The following DNAH8 variants were observed in gnomAD, a reference collection of about 807,000 sequenced individuals.
The protein encoded by DNAH8 is axonemal beta dynein heavy chain 8.
In DNAH8, 382 loss-of-function variants were observed where a neutral mutation model predicts 562.1. The observed-to-expected ratio is 0.68, with a 90% confidence interval of 0.63 to 0.74. The LOEUF (loss-of-function observed/expected upper bound fraction) is 0.74, where lower values mean the gene tolerates loss of function less well. Ranked by LOEUF, DNAH8 falls within the 30% of genes least tolerant of loss-of-function variation. The probability of loss-of-function intolerance (pLI) is 0.00; values close to 1 mark genes in which losing one functional copy is unlikely to be tolerated. For synonymous variants in DNAH8, 1,881 were observed against 1,919.4 expected, an observed-to-expected ratio of 0.98 and a Z score of 0.52; for missense variants, 5,203 against 5,620.4, an observed-to-expected ratio of 0.93 and a Z score of 2.37.
chr6:39,007,645 T>C (rs1765880854), intron 88 of DNAH8, among the ~76,000 whole-genome samples: 1 of 152,178 alleles, frequency 6.6e-6, no homozygotes, highest in Admixed American at 6.6e-5. Context: ...CCCTGCATGG[T>C]CTGGCTCCTG....
Position 38,795,580 on chromosome 6 carries a change from AG to A in DNAH8, c.2901+3907del, listed in dbSNP as rs200570488. Among the ~76,000 whole-genome samples the A allele has an allele frequency of 1.9e-3, 165 of 85,486 alleles. 1 individual carries two copies. In the Middle Eastern group the frequency reaches 0.019, roughly 10 times the overall value. The allele number at this position is 85,486 out of a possible 152,430, so 56.1% of individuals were successfully genotyped here. A position where few individuals can be genotyped will look rare whatever the true frequency, so the allele number is the denominator to read the frequency against. On this transcript the variant is annotated intron_variant, in intron 21 of 92. Transcript: ENST00000327475. ...GGGCGACAGAGCGAGACTGTGTCTC[AG>A]AAAAAAAAAAAAAAGAGTGTAAGTC... is the stretch of plus-strand genomic sequence containing the variant.
At chr6:38,763,907 T>C (rs1766752124) in intron 11 of DNAH8, 1 of 153,400 alleles carries the variant, frequency 6.5e-6, no homozygotes, top group Admixed American at 6.6e-5. Context: ...GCTGCTTGAA[T>C]AGCTAAGGAG....
chr6:38,838,234 G>C (rs1774461805), intron 33 of DNAH8, among the ~76,000 whole-genome samples, 192 bp downstream of exon 33: 1 of 152,036 alleles, frequency 6.6e-6, no homozygotes. Context: ...ACGTTCTAGG[G>C]GAGTAAAAAA....
In DNAH8 at chr6:38,886,882, A is replaced by G. The variant is rs771474451; in HGVS notation, c.8351A>G (p.Gln2784Arg). ...PGDFTTIVDVQLIAAMIHPGG... is the reference protein window; with the variant it reads ...PGDFTTIVDVRLIAAMIHPGG... ...GACTTCACTACTATTGTTGATGTGC[A>G]GCTCATAGCAGCAATGATCCACCCT... Residue 2784 changes from glutamine (Q) to arginine (R), a missense_variant, in exon 57 of 93, where the codon CAG becomes CGG. Gln to Arg is a conservative substitution (Grantham distance 43). Around this residue, in one of 6 missense-constraint regions of DNAH8, gnomAD observed 977 missense variants for 1,061.8 expected, o/e 0.92. Transcript: ENST00000327475. The G allele has an allele frequency of 1.2e-6, 2 of 1,613,458 alleles. No individual in the cohort carries two copies. Among genetic ancestry groups the G allele is most frequent in the Non-Finnish European group, 8.5e-7 (1 of 1,179,348 alleles).
chr6:38,723,932 A>G (rs1762982491), intron 3 of DNAH8, among the ~76,000 whole-genome samples: 1 of 152,064 alleles, frequency 6.6e-6, no homozygotes, highest in East Asian at 1.9e-4. Flanking sequence ...GGTTTAGTTT[A>G]TATAATTATA....
At chr6:38,915,492 C>T (rs367711474) in intron 68 of DNAH8, 115 bp downstream of exon 68, 3 of 910,380 alleles carry the variant, frequency 3.3e-6, no homozygotes, top group Non-Finnish European at 4.5e-6. Context: ...TTGATAATCT[C>T]TGAGTCTGGA....
intron 24 of DNAH8, among the ~76,000 whole-genome samples, chr6:38,809,065 T>C (rs1018519097): frequency 1.3e-5 from 2 of 151,968 alleles, no homozygotes; most frequent in African/African-American, 2.4e-5. Flanking sequence ...GTTCTGCACA[T>C]GTACCCCAGA....
chr6:38,860,199 G>A (rs973343291), intron 42 of DNAH8, among the ~76,000 whole-genome samples: 6 of 152,180 alleles, frequency 3.9e-5, no homozygotes, highest in Admixed American at 1.3e-4. Flanking sequence ...CCTGAATTTC[G>A]GTGGTGGTGC....
At chr6:38,892,995 G>GT (rs201899301) in intron 58 of DNAH8, among the ~76,000 whole-genome samples, 2 of 151,826 alleles carry the variant, frequency 1.3e-5, no homozygotes, top group African/African-American at 2.4e-5. Context: ...CCTGGCCCTG[G>GT]TTTTTTTTAA....
At chr6:38,996,432 G>A (rs60702678) in intron 88 of DNAH8, among the ~76,000 whole-genome samples, 1,950 of 152,180 alleles carry the variant, frequency 0.013, 47 homozygotes, top group African/African-American at 0.042. Flanking sequence ...ACATCCACTG[G>A]CATGTCTTTC....
At chr6:38,852,168 C>A (rs914928229) in intron 39 of DNAH8, among the ~76,000 whole-genome samples, 1 of 152,088 alleles carries the variant, frequency 6.6e-6, no homozygotes, top group African/African-American at 2.4e-5. Flanking sequence ...TTTCCTAGAG[C>A]AATACTTTGG....
intron 22 of DNAH8, among the ~76,000 whole-genome samples, chr6:38,803,733 T>TA (rs34502047): frequency 0.13 from 19,004 of 151,672 alleles, 1,484 homozygotes; most frequent in East Asian, 0.37. Context: ...CTGGAAAACT[T>TA]AATCTGGGTG....
In DNAH8 at chr6:38,897,071, G is replaced by C. The variant is rs573947584; in HGVS notation, c.8940+846G>C. On this transcript the variant is annotated intron_variant, in intron 60 of 92. Transcript: ENST00000327475. ...AGTAGAGATGAGGTTTTATCATGTT[G>C]GTCAGGCTGGTTTTGAACTTCTGAC... 2.1e-3 allele frequency among the ~76,000 whole-genome samples: 319 copies of C among 152,146 alleles called. 1 individual carries two copies. Among genetic ancestry groups the C allele is most frequent in the Non-Finnish European group, 4.0e-3 (272 of 68,008 alleles).
chr6:38,749,098 A>G (rs931891216), intron 8 of DNAH8, among the ~76,000 whole-genome samples: 7 of 152,092 alleles, frequency 4.6e-5, no homozygotes, highest in Non-Finnish European at 8.8e-5. Flanking sequence ...TGAAGCTATT[A>G]AGACCATGTC....
chr6:38,861,850 T>C (rs919551972), intron 43 of DNAH8, among the ~76,000 whole-genome samples: 24 of 152,186 alleles, frequency 1.6e-4, no homozygotes, highest in Non-Finnish European at 4.4e-5. Context: ...TTTCTGTCTA[T>C]GTGCATTTTG....
At chr6:38,808,456 G>T (rs1771496646) in intron 24 of DNAH8, among the ~76,000 whole-genome samples, 1 of 152,150 alleles carries the variant, frequency 6.6e-6, no homozygotes. Flanking sequence ...ATACTTTCTT[G>T]TGTTTATGGG....
At chr6:38,715,946 ATATATATATATATATTT>A (rs1204316087) in intron 1 of DNAH8, among the ~76,000 whole-genome samples, 1 of 16,520 alleles carries the variant, frequency 6.1e-5, no homozygotes, top group Admixed American at 7.5e-4. Flanking sequence ...ATATATATAT[ATATATATATATATATTT>A]TTTTTTTTTT....
chr6:38,868,401 T>C (rs1777222496), intron 48 of DNAH8, among the ~76,000 whole-genome samples: 1 of 152,160 alleles, frequency 6.6e-6, no homozygotes, highest in Non-Finnish European at 1.5e-5. Context: ...TGCCTCCTTT[T>C]ATCAGCTGTG....
intron 8 of DNAH8, among the ~76,000 whole-genome samples, chr6:38,749,582 C>G (rs1765250263): frequency 6.7e-6 from 1 of 149,298 alleles, no homozygotes; most frequent in Non-Finnish European, 1.5e-5. Flanking sequence ...ACTAAAGGCA[C>G]ACAGATTGCT....
Sources: gnomAD v4.1 joint callset for allele counts (sites outside exome capture counted in the v4.1 genomes callset) on GRCh38, gnomAD v4.1.1 for gene constraint, gnomAD v4.1.1 regional missense constraint, MANE v1.5 for transcripts, NCBI Gene and HGNC (gene_info 2026-07-23, HGNC 2026-07-21) for gene names.